DROSHA: variants seen among roughly 807,000 people sequenced by gnomAD.
DROSHA encodes the protein ribonuclease 3.
In DROSHA, 56 loss-of-function variants were observed where a neutral mutation model predicts 181.9. That is an observed-to-expected ratio of 0.31 (90% confidence interval 0.25 to 0.38). DROSHA has a LOEUF of 0.38. DROSHA is among the 10% of genes least tolerant of loss of function. The pLI is 1.00. For missense variants in DROSHA, 1,218 were observed against 1,743.5 expected, an observed-to-expected ratio of 0.70 and a Z score of 5.37; for synonymous variants, 524 against 591.2, an observed-to-expected ratio of 0.89 and a Z score of 1.65.
At chr5:31,442,942 T>C (rs192552008) in intron 23 of DROSHA, among the ~76,000 whole-genome samples, 1 of 152,220 alleles carries the variant, frequency 6.6e-6, no homozygotes, top group East Asian at 1.9e-4. Context: ...ATTTAATATA[T>C]ATTATTGTGC....
intron 4 of DROSHA, among the ~76,000 whole-genome samples, chr5:31,527,916 C>T (rs747947233): frequency 1.3e-5 from 2 of 152,170 alleles, no homozygotes; most frequent in East Asian, 1.9e-4. Context: ...ATGATCAGTG[C>T]CCACCTTGTC....
intron 20 of DROSHA, among the ~76,000 whole-genome samples, chr5:31,452,550 A>C (rs1422572229): frequency 6.6e-6 from 1 of 151,656 alleles, no homozygotes; most frequent in Non-Finnish European, 1.5e-5. Flanking sequence ...ATTCTTATTC[A>C]TCAGAACCTG....
At chr5:31,449,155 A>G in intron 22 of DROSHA, 126 bp downstream of exon 22, 2 of 1,237,302 alleles carry the variant, frequency 1.6e-6, no homozygotes, top group Non-Finnish European at 2.2e-6. Context: ...AAAAAGAGTC[A>G]GTAAGCACTA....
chr5:31,494,671 G>T (rs1281844843), intron 12 of DROSHA, among the ~76,000 whole-genome samples: 3 of 151,994 alleles, frequency 2.0e-5, no homozygotes, highest in Non-Finnish European at 2.9e-5. Flanking sequence ...TTTGGAAACA[G>T]TTTGGCATTT....
chr5:31,405,666 AAC>A lies in DROSHA; in HGVS notation c.3994+9_3994+10del. On this transcript the variant is annotated intron_variant, in intron 35 of 35. Coordinates refer to ENST00000344624, the MANE Select transcript of DROSHA (RefSeq NM_001382508.1). ...TTATGAACATAATTATAGAAAAAAA[AAC>A]AGGCTTACATTTTTCAAGCGCATCC... 6.4e-7 allele frequency: 1 copy of A among 1,553,322 alleles called. No homozygotes were observed. The highest frequency in any genetic ancestry group is 8.7e-7 in the Non-Finnish European group (1 of 1,150,988).
chr5:31,438,220 C>T (rs1745125034), intron 23 of DROSHA, among the ~76,000 whole-genome samples: 2 of 152,162 alleles, frequency 1.3e-5, no homozygotes, highest in South Asian at 4.2e-4. Flanking sequence ...CTCACTGCCC[C>T]GTTGGTTGAG....
rs565144302 is a variant in DROSHA, at chr5:31,431,238, A to T, written c.3145+338T>A. On this transcript the variant is annotated intron_variant, in intron 26 of 35. Transcript: ENST00000344624. ...TCTCAGCAACCTAATCTGTTTGTTT[A>T]TGTATGTGATCCTGAATCAAATCTG... Among the ~76,000 whole-genome samples the T allele has an allele frequency of 2.0e-5, 3 of 152,138 alleles. No individual in the cohort carries two copies. In the South Asian group the frequency reaches 6.2e-4, roughly 31 times the overall value.
At chr5:31,486,613 CATA>C in intron 13 of DROSHA, 51 bp from the exon 14 acceptor site, 4 of 1,540,962 alleles carry the variant, frequency 2.6e-6, no homozygotes, top group Non-Finnish European at 2.7e-6. Flanking sequence ...CCTGCAGGCT[CATA>C]TTATACACGT....
chr5:31,494,237 G>A (rs1580292546), intron 12 of DROSHA, among the ~76,000 whole-genome samples: 1 of 151,938 alleles, frequency 6.6e-6, no homozygotes, highest in East Asian at 1.9e-4. Context: ...CAAAGTGCTG[G>A]GATTACAGGC....
At chr5:31,450,656 T>C (rs1170620545) in intron 21 of DROSHA, among the ~76,000 whole-genome samples, 1 of 151,990 alleles carries the variant, frequency 6.6e-6, no homozygotes, top group African/African-American at 2.4e-5. Context: ...CAGAGTGGTA[T>C]AACGGACACT....
intron 9 of DROSHA, among the ~76,000 whole-genome samples, chr5:31,509,958 T>C (rs1255538118): frequency 6.6e-6 from 1 of 151,640 alleles, no homozygotes; most frequent in Non-Finnish European, 1.5e-5. Flanking sequence ...TGGAGACTGG[T>C]TGCAAACAAG....
intron 16 of DROSHA, among the ~76,000 whole-genome samples, chr5:31,476,443 T>C (rs1750383387): frequency 6.6e-6 from 1 of 152,164 alleles, no homozygotes; most frequent in African/African-American, 2.4e-5. Context: ...ACAACGCTAA[T>C]GATGAGGCAG....
chr5:31,524,781 C>T (rs1352589924), intron 5 of DROSHA, among the ~76,000 whole-genome samples: 1 of 152,162 alleles, frequency 6.6e-6, no homozygotes, highest in African/African-American at 2.4e-5. Context: ...AACATTATTT[C>T]TCTCATATTT....
chr5:31,515,879 A>G (rs1739222110), intron 6 of DROSHA, among the ~76,000 whole-genome samples: 1 of 152,210 alleles, frequency 6.6e-6, no homozygotes, highest in African/African-American at 2.4e-5. Flanking sequence ...ATAAAGAAAG[A>G]TGAAAAAACA....
intron 8 of DROSHA, among the ~76,000 whole-genome samples, chr5:31,513,861 T>C (rs1051232167): frequency 3.9e-5 from 6 of 152,092 alleles, no homozygotes; most frequent in African/African-American, 1.2e-4. Flanking sequence ...GCCTACTCTG[T>C]GGCAAATATG....
At chr5:31,413,114 C>G (rs1176654759) in intron 30 of DROSHA, among the ~76,000 whole-genome samples, 3 of 152,194 alleles carry the variant, frequency 2.0e-5, no homozygotes, top group Non-Finnish European at 4.4e-5. Context: ...CTTCCAGTGT[C>G]AGGGCCCCTC....
At position 31,530,874 on chromosome 5, in the gene DROSHA, G is replaced by C; in HGVS notation, c.-123C>G. On this transcript the variant is annotated 5_prime_UTR_variant, in exon 3 of 36. Coordinates refer to ENST00000344624, the MANE Select transcript of DROSHA (RefSeq NM_001382508.1). ...TAGATTATCAGCTCCTTGATGATAT[G>C]GGTTGATTCACAGTCATTTCTGTAT... 1 of 398,528 alleles carries C rather than the reference G, an allele frequency of 2.5e-6. No homozygotes were observed. Among genetic ancestry groups the C allele is most frequent in the Non-Finnish European group, 4.4e-6 (1 of 226,048 alleles). 24.7% of individuals were successfully genotyped at this position (398,528 alleles called of 1,614,324 possible). A position where few individuals can be genotyped will look rare whatever the true frequency, so the allele number is the denominator to read the frequency against.
At chr5:31,431,477 C>G in intron 26 of DROSHA, 99 bp downstream of exon 26, 1 of 1,155,904 alleles carries the variant, frequency 8.7e-7, no homozygotes, top group Non-Finnish European at 1.2e-6. Context: ...GCTTTGGGAA[C>G]AAGTAATTCT....
At position 31,446,530 on chromosome 5, in the gene DROSHA, G is replaced by C. The variant is rs541855773; in HGVS notation, c.2882+2017C>G. On this transcript the variant is annotated intron_variant, in intron 23 of 35. Transcript: ENST00000344624. Reference sequence around the variant, plus strand: ...TCAGAATAAATTTTGCAAAAGATGTGTAAAATGTATACTCTGAAAACTATA... The same window carrying C: ...TCAGAATAAATTTTGCAAAAGATGTCTAAAATGTATACTCTGAAAACTATA... Among the ~76,000 whole-genome samples the C allele has an allele frequency of 2.0e-5, 3 of 150,020 alleles. No homozygotes were observed. In the South Asian group the frequency reaches 6.3e-4, roughly 32 times the overall value.
Sources: allele counts gnomAD v4.1 joint callset (sites outside exome capture counted in the v4.1 genomes callset), GRCh38; gene constraint gnomAD v4.1.1; transcripts MANE v1.5; gene names NCBI Gene and HGNC (gene_info 2026-07-23, HGNC 2026-07-21).